The following GMEB1 variants were observed in gnomAD, a reference collection of about 807,000 sequenced individuals.
GMEB1 encodes the protein glucocorticoid modulatory element binding protein 1, also known as glucocorticoid modulatory element-binding protein 1.
Under a neutral mutation model 52.4 loss-of-function variants are expected in GMEB1, and 6 were observed. The ratio of observed to expected loss-of-function variants is 0.11; its 90% CI spans 0.06 to 0.23. The LOEUF (loss-of-function observed/expected upper bound fraction) is 0.23. Ranked by LOEUF, GMEB1 falls within the 10% of genes least tolerant of loss-of-function variation. The probability of loss-of-function intolerance (pLI) is 1.00; values close to 1 mark genes in which losing one functional copy is unlikely to be tolerated. For missense variants in GMEB1, 486 were observed against 685.6 expected (o/e 0.71, Z 3.25); for synonymous variants, 255 against 244.9 (o/e 1.04, Z -0.38).
Position 28,676,295 on chromosome 1 carries a change from T to C in GMEB1, c.-30-7288T>C, listed in dbSNP as rs1205310123. Reference sequence around the variant, plus strand: ...TTTGCCTAAGGTATTATAGGTTGAGTATCCCTAATCTGAAAATCTGAAACC... The same window carrying C: ...TTTGCCTAAGGTATTATAGGTTGAGCATCCCTAATCTGAAAATCTGAAACC... On this transcript the variant is annotated intron_variant, in intron 1 of 9. Transcript: ENST00000373816. Among the ~76,000 whole-genome samples the C allele has an allele frequency of 2.6e-5, 4 of 152,166 alleles. No homozygotes were observed. The East Asian group carries it at 7.7e-4, about 29-fold the overall frequency.
intron 6 of GMEB1, among the ~76,000 whole-genome samples, chr1:28,700,799 C>T (rs79565725): frequency 3.4e-3 from 517 of 152,106 alleles, no homozygotes; most frequent in African/African-American, 0.012. Flanking sequence ...TATAAAATAT[C>T]TGGCGGTTTG....
chr1:28,690,034 C>A, intron 2 of GMEB1, 70 bp from the exon 3 acceptor site: 2 of 963,700 alleles, frequency 2.1e-6, no homozygotes, highest in Non-Finnish European at 3.2e-6. Flanking sequence ...AATTTCTTAA[C>A]CCCATGCTGT....
intron 5 of GMEB1, among the ~76,000 whole-genome samples, chr1:28,694,440 C>T (rs1395539333): frequency 2.0e-5 from 3 of 151,368 alleles, no homozygotes; most frequent in Non-Finnish European, 2.9e-5. Context: ...CTGATCCACC[C>T]GCCTTGGCCT....
chr1:28,669,640 G>A (rs1668792525), intron 1 of GMEB1, among the ~76,000 whole-genome samples: 1 of 152,068 alleles, frequency 6.6e-6, no homozygotes, highest in Non-Finnish European at 1.5e-5. Context: ...GACTCCTAGA[G>A]CCTCCTGAAG....
intron 9 of GMEB1, among the ~76,000 whole-genome samples, chr1:28,713,290 T>G (rs1671146939): frequency 1.3e-5 from 2 of 152,160 alleles, no homozygotes; most frequent in African/African-American, 4.8e-5. Context: ...GGGAGCAAAG[T>G]GCTCTACAAG....
intron 5 of GMEB1, among the ~76,000 whole-genome samples, chr1:28,695,220 C>T (rs1035708295): frequency 1.3e-5 from 2 of 151,592 alleles, no homozygotes. Flanking sequence ...GCCCACCTCA[C>T]CTCCCAAAGT....
chr1:28,705,235 G>GAA lies in GMEB1; in HGVS notation c.868+917_868+918dup, dbSNP rs922245138. 3.4e-3 allele frequency among the ~76,000 whole-genome samples: 489 copies of GAA among 143,574 alleles called. 2 individuals are homozygous for GAA. The highest frequency in any genetic ancestry group is 0.012 in the African/African-American group (473 of 39,468). The allele number at this position is 143,574 out of a possible 152,430, so 94.2% of individuals were successfully genotyped here. A position where few individuals can be genotyped will look rare whatever the true frequency, so the allele number is the denominator to read the frequency against. ...GAAAACCTGTCTCCACTAAAAATAT[G>GAA]AAAAAAAAAAAATTAGCTGGGTATG... is the stretch of plus-strand genomic sequence containing the variant. On this transcript the variant is annotated intron_variant, in intron 8 of 9. Transcript: ENST00000373816.
chr1:28,698,945 T>TGC (rs1670362610), intron 6 of GMEB1, among the ~76,000 whole-genome samples: 2 of 151,842 alleles, frequency 1.3e-5, no homozygotes, highest in African/African-American at 4.8e-5. Context: ...GATCGTCCCA[T>TGC]ATTCCAGCCT....
In GMEB1 at chr1:28,690,140, T is replaced by C; in HGVS notation, c.165T>C (p.Val55=). 2 of 1,602,878 alleles carry C rather than the reference T, an allele frequency of 1.2e-6. No homozygotes were observed. Among genetic ancestry groups the C allele is most frequent in the Non-Finnish European group, 1.7e-6 (2 of 1,173,504 alleles). ...YEAGSENNTA[V]VAVETHTIHK... is the part of the protein sequence containing the mutation. ...CTGGGTCGGAGAACAACACGGCAGTTGTAGCAGTAGAAACTCACACGATAC... is the reference window on the plus strand; with the variant it reads ...CTGGGTCGGAGAACAACACGGCAGTCGTAGCAGTAGAAACTCACACGATAC... Residue 55 remains valine (V), a synonymous_variant, in exon 3 of 10, where the codon GTT becomes GTC. Coordinates refer to ENST00000373816, the MANE Select transcript of GMEB1 (RefSeq NM_001319674.2).
intron 5 of GMEB1, among the ~76,000 whole-genome samples, chr1:28,694,531 G>C (rs1670109500): frequency 6.8e-6 from 1 of 147,740 alleles, no homozygotes; most frequent in African/African-American, 2.5e-5. Flanking sequence ...AAAAAAAAAA[G>C]CCCATGTTCT....
intron 2 of GMEB1, among the ~76,000 whole-genome samples, chr1:28,686,183 A>T (rs1669632194): frequency 1.3e-5 from 2 of 151,724 alleles, no homozygotes; most frequent in Non-Finnish European, 2.9e-5. Flanking sequence ...TCTACAAAAA[A>T]TTTAAAAATT....
At chr1:28,696,048 G>A (rs12732786) in intron 5 of GMEB1, among the ~76,000 whole-genome samples, 42,553 of 88,466 alleles carry the variant, frequency 0.48, 7,173 homozygotes, top group African/African-American at 0.58. Flanking sequence ...TTTATTGTTT[G>A]TTTATTTATT....
At chr1:28,700,810 AAT>A (rs367993716) in intron 6 of GMEB1, among the ~76,000 whole-genome samples, 20 of 152,232 alleles carry the variant, frequency 1.3e-4, no homozygotes, top group African/African-American at 4.6e-4. Flanking sequence ...TGGCGGTTTG[AAT>A]ATTTGGACAC....
intron 9 of GMEB1, among the ~76,000 whole-genome samples, chr1:28,711,374 A>G (rs1340026280): frequency 2.6e-5 from 4 of 150,976 alleles, no homozygotes; most frequent in Admixed American, 2.0e-4. Flanking sequence ...TGTGTGTATT[A>G]TTTCTTCAGA....
intron 2 of GMEB1, among the ~76,000 whole-genome samples, chr1:28,684,546 G>C (rs942272755): frequency 7.8e-5 from 11 of 141,234 alleles, no homozygotes; most frequent in South Asian, 4.6e-4. Context: ...CTGGGCGACA[G>C]AGCGAGACTC....
At chr1:28,687,373 C>CAAAAAAAAAAA (rs1319753146) in intron 2 of GMEB1, among the ~76,000 whole-genome samples, 2 of 23,918 alleles carry the variant, frequency 8.4e-5, no homozygotes, top group African/African-American at 4.5e-4. Flanking sequence ...CACACACACA[C>CAAAAAAAAAAA]ACACACACAC....
chr1:28,719,255 C>T lies in GMEB1; in HGVS notation c.*4482C>T, dbSNP rs1557530347. 2 of 152,304 alleles carry T rather than the reference C, an allele frequency of 1.3e-5. No individual in the cohort carries two copies. Among genetic ancestry groups the T allele is most frequent in the Admixed American group, 6.6e-5 (1 of 15,266 alleles). 9.4% of individuals were successfully genotyped at this position (152,304 alleles called of 1,614,324 possible). ...GTCCCTGTTTGGTCCCTGCCTTGTT[C>T]TCTTCCCTTTCTCAATTTCCAAGCT... On this transcript the variant is annotated 3_prime_UTR_variant, in exon 10 of 10. Coordinates refer to ENST00000373816, the MANE Select transcript of GMEB1 (RefSeq NM_001319674.2).
In GMEB1 at chr1:28,681,322, C is replaced by T. The variant is rs144867024; in HGVS notation, c.-30-2261C>T. 3.1e-3 allele frequency among the ~76,000 whole-genome samples: 468 copies of T among 152,016 alleles called. 2 individuals are homozygous for T. The highest frequency in any genetic ancestry group is 0.011 in the African/African-American group (443 of 41,476). On this transcript the variant is annotated intron_variant, in intron 1 of 9. Transcript: ENST00000373816. ...GGCAGAGGTTGCAGTGAGCCAAGAT[C>T]GTGCCACAGAACTCCAGTCTGGGCA...
chr1:28,689,355 G>A (rs7513640), intron 2 of GMEB1, among the ~76,000 whole-genome samples: 4,480 of 152,066 alleles, frequency 0.029, 223 homozygotes, highest in African/African-American at 0.1. Context: ...AGCTGGGTGC[G>A]GTGGCTCATG....
Sources: allele counts gnomAD v4.1 joint callset (sites outside exome capture counted in the v4.1 genomes callset), GRCh38; gene constraint gnomAD v4.1.1; transcripts MANE v1.5; gene names NCBI Gene and HGNC (gene_info 2026-07-23, HGNC 2026-07-21).